The following KIF21B variants were observed in gnomAD, a reference collection of about 807,000 sequenced individuals.
KIF21B encodes kinesin family member 21B.
A neutral mutation model predicts 192.9 loss-of-function variants in KIF21B; 85 were observed. That is an observed-to-expected ratio of 0.44 (90% confidence interval 0.37 to 0.53). KIF21B has a LOEUF of 0.53. KIF21B is among the 20% of genes least tolerant of loss of function. The pLI is 0.00. For synonymous variants in KIF21B, 832 were observed against 884.6 expected, an observed-to-expected ratio of 0.94 and a Z score of 1.05; for missense variants, 1,716 against 2,194.8, an observed-to-expected ratio of 0.78 and a Z score of 4.36.
intron 1 of KIF21B, among the ~76,000 whole-genome samples, chr1:201,020,808 T>TAC (rs60686711): frequency 0.23 from 33,364 of 142,798 alleles, 4,228 homozygotes; most frequent in Non-Finnish European, 0.31. Context: ...CTCTCTCCTC[T>TAC]ACACACACAC....
chr1:200,981,204 A>T, intron 28 of KIF21B, 108 bp from the exon 29 acceptor site: 1 of 1,201,698 alleles, frequency 8.3e-7, no homozygotes, highest in Non-Finnish European at 1.1e-6. Flanking sequence ...GGGGATGAGG[A>T]CCAAATAACA....
rs768909017 is a variant in KIF21B, at chr1:201,005,711, C to T, written c.448-17G>A. On this transcript the variant is annotated splice_polypyrimidine_tract_variant and intron_variant, in intron 3 of 34. Coordinates refer to ENST00000461742, the MANE Select transcript of KIF21B (RefSeq NM_001252102.2). ...GTTGTAGAGCTGTGCAGGAAGGAAA[C>T]AGCTGAATTCATAGGGCATTCACTG... 1 of 1,611,334 alleles carries T rather than the reference C, an allele frequency of 6.2e-7. No homozygotes were observed. The highest frequency in any genetic ancestry group is 1.7e-5 in the Admixed American group (1 of 59,856).
chr1:200,979,292 G>A (rs1655758861), intron 30 of KIF21B, among the ~76,000 whole-genome samples: 1 of 152,202 alleles, frequency 6.6e-6, no homozygotes, highest in Non-Finnish European at 1.5e-5. Context: ...TGGGGGACTG[G>A]GCTGTGGGTG....
chr1:200,974,115 G>A, intron 34 of KIF21B: 7 of 1,607,750 alleles, frequency 4.4e-6, no homozygotes, highest in Non-Finnish European at 5.9e-6. Context: ...GTGGTGGCGC[G>A]GCCCTTTATG....
chr1:201,005,237 G>T (rs1657742710), intron 5 of KIF21B, 71 bp downstream of exon 5: 2 of 1,490,360 alleles, frequency 1.3e-6, no homozygotes, highest in Admixed American at 2.3e-5. Flanking sequence ...TGAATCTGTG[G>T]CTCCTCATCT....
At position 201,009,534 on chromosome 1, in the gene KIF21B, G is replaced by A. The variant is rs1388155733; in HGVS notation, c.42-46C>T. ...CCTGGGTCAGGCCCAGCTAGAAGGG[G>A]GCTGCCACAGGCCCCTCCCTCACAC... On this transcript the variant is annotated intron_variant, in intron 1 of 34. Coordinates refer to ENST00000461742, the MANE Select transcript of KIF21B (RefSeq NM_001252102.2). 2.6e-6 allele frequency: 4 copies of A among 1,549,800 alleles called. No individual in the cohort carries two copies. In the South Asian group the frequency reaches 3.5e-5, roughly 14 times the overall value.
At chr1:201,005,480 G>A (rs759912797) in intron 4 of KIF21B, 38 bp from the exon 5 acceptor site, 9 of 1,595,822 alleles carry the variant, frequency 5.6e-6, no homozygotes, top group South Asian at 1.1e-5. Flanking sequence ...TGGGACTACC[G>A]TGGTGCCAGC....
At chr1:200,996,490 C>T (rs1657078668) in intron 14 of KIF21B, 95 bp from the exon 15 acceptor site, 3 of 1,114,878 alleles carry the variant, frequency 2.7e-6, no homozygotes, top group Non-Finnish European at 2.7e-6. Context: ...CCCTCTGTTC[C>T]AGTCTCATTG....
rs1474311296 is a variant in KIF21B, at chr1:200,999,382, G to T, written c.1852C>A (p.Leu618Met). Residue 618 changes from leucine (L) to methionine (M), a missense_variant, in exon 13 of 35, where the codon CTG (leucine) becomes ATG (methionine). Leu to Met is a conservative substitution (Grantham distance 15, BLOSUM62 2). Coordinates refer to ENST00000461742, the MANE Select transcript of KIF21B (RefSeq NM_001252102.2). The surrounding 1 kb of genome is among the most constrained non-coding windows in gnomAD (Gnocchi z 4.7). ...TCGGGGTCTGAGTCTGAGTCCACCA[G>T]GCTCTCTTCACTGCCCGAGTCCTCA... ...EDEDSGSEES[L>M]VDSDSDPEEK... 3.7e-6 allele frequency: 6 copies of T among 1,614,120 alleles called. No homozygotes were observed. The highest frequency in any genetic ancestry group is 4.2e-6 in the Non-Finnish European group (5 of 1,180,012).
At position 200,977,222 on chromosome 1, in the gene KIF21B, C is replaced by T; in HGVS notation, c.4315G>A (p.Glu1439Lys). 1 of 1,612,304 alleles carries T rather than the reference C, an allele frequency of 6.2e-7. No individual in the cohort carries two copies. The highest frequency in any genetic ancestry group is 8.5e-7 in the Non-Finnish European group (1 of 1,178,536). ...AGGTATCACGCTGACCTGCTAAGCTCCCAGATGCGGACGGCATTGCCCGAG... is the reference window on the plus strand; with the variant it reads ...AGGTATCACGCTGACCTGCTAAGCTTCCAGATGCGGACGGCATTGCCCGAG... ...AASGNAVRIW[E>K]LSRFQPVGKL... Residue 1439 changes from glutamate to lysine, a missense_variant, in exon 31 of 35, where the codon GAG (glutamate) becomes AAG (lysine). Coordinates refer to ENST00000461742, the MANE Select transcript of KIF21B (RefSeq NM_001252102.2).
At position 200,984,861 on chromosome 1, in the gene KIF21B, G is replaced by C. The variant is rs368095400; in HGVS notation, c.3801C>G (p.Asp1267Glu). The change falls in exon 27 of 35, where the codon GAC becomes GAG. Residue 1267 changes from aspartate to glutamate, a missense_variant and splice_region_variant. By Grantham distance (45) the Asp-to-Glu change is conservative. Transcript: ENST00000461742. ...ACTTGCCCTCCAGCCCTGCTTACTT[G>C]TCCAGCGCTGACCCCTGGCTCTGAT... is the stretch of plus-strand genomic sequence containing the variant. ...TSNQSQGSALDKSDDSDSSLS... is the reference protein window; with the variant it reads ...TSNQSQGSALEKSDDSDSSLS... 1 of 1,580,954 alleles carries C rather than the reference G, an allele frequency of 6.3e-7. No individual in the cohort carries two copies. Among genetic ancestry groups the C allele is most frequent in the Non-Finnish European group, 8.6e-7 (1 of 1,165,598 alleles).
chr1:200,985,077 G>C (rs572805278), intron 26 of KIF21B, 105 bp from the exon 27 acceptor site: 4 of 674,382 alleles, frequency 5.9e-6, no homozygotes, highest in South Asian at 2.0e-5. Context: ...CCGCAGGACA[G>C]GGTCTGCTGT....
chr1:200,983,143 C>T (rs1656055039), intron 27 of KIF21B, 49 bp from the exon 28 acceptor site: 2 of 1,486,348 alleles, frequency 1.3e-6, no homozygotes, highest in East Asian at 2.5e-5. Context: ...AGGAGACACA[C>T]ACAGAGGGAC....
chr1:201,002,396 G>T (rs548541750), intron 8 of KIF21B, 46 bp from the exon 9 acceptor site: 108 of 1,571,188 alleles, frequency 6.9e-5, no homozygotes, highest in Non-Finnish European at 8.3e-5. Context: ...AGAGCTCGCG[G>T]TTGGGGGGGT....
At chr1:200,984,765 TTG>T in intron 27 of KIF21B, 92 bp downstream of exon 27, 1 of 905,894 alleles carries the variant, frequency 1.1e-6, no homozygotes, top group Non-Finnish European at 1.6e-6. Context: ...TGGGGTTGGC[TTG>T]GCCACCTGAG....
At chr1:201,012,629 C>CTATGTATGTATGTA (rs1658300571) in intron 1 of KIF21B, among the ~76,000 whole-genome samples, 1 of 82,456 alleles carries the variant, frequency 1.2e-5, no homozygotes, top group African/African-American at 7.5e-5. Context: ...TGTCAGAAAA[C>CTATGTATGTATGTA]TCTATGTATG....
At chr1:201,019,573 G>A (rs570041052) in intron 1 of KIF21B, among the ~76,000 whole-genome samples, 7 of 152,142 alleles carry the variant, frequency 4.6e-5, no homozygotes, top group Non-Finnish European at 1.0e-4. Context: ...ACCTCCACTT[G>A]GAGGTTTTCA....
intron 1 of KIF21B, among the ~76,000 whole-genome samples, chr1:201,021,228 C>A (rs1424316280): frequency 6.6e-6 from 1 of 152,212 alleles, no homozygotes; most frequent in African/African-American, 2.4e-5. Context: ...CAGCTCAGTC[C>A]TAAGCTCTCT....
rs1655465184 is a variant in KIF21B at position 200,975,242 on chromosome 1, A to AC, written c.4614+256dup. Among the ~76,000 whole-genome samples, 2 of 152,166 alleles carry AC rather than the reference A, an allele frequency of 1.3e-5. No individual in the cohort carries two copies. On this transcript the variant is annotated intron_variant, in intron 33 of 34. Transcript: ENST00000461742. This position sits in a 1 kb window ranked among gnomAD's most constrained non-coding sequence, Gnocchi z 4.3. ...TTGGGTAACTGAGCTTCACATGCAA[A>AC]CCCAAGAGCTGAGAGCAAAGGCTTT...
Sources: gnomAD v4.1 joint callset for allele counts (sites outside exome capture counted in the v4.1 genomes callset) on GRCh38, gnomAD v4.1.1 for gene constraint, Gnocchi (gnomAD v3.1) non-coding constraint, MANE v1.5 for transcripts, NCBI Gene and HGNC (gene_info 2026-07-23, HGNC 2026-07-21) for gene names.